Variants in UBXN2A observed in about 807,000 individuals in gnomAD.
The protein encoded by UBXN2A is UBX domain-containing protein 2A.
Under a neutral mutation model 28.4 loss-of-function variants are expected in UBXN2A, and 28 were observed. The observed-to-expected ratio is 0.99, with a 90% CI of 0.73 to 1.35. UBXN2A has a LOEUF of 1.35. Ranked by LOEUF, UBXN2A falls within the 40% of genes most tolerant of loss-of-function variation. The pLI is 0.00. For synonymous variants in UBXN2A, 97 were observed against 103.6 expected, an observed-to-expected ratio of 0.94 and a Z score of 0.39; for missense variants, 253 against 297.9, an observed-to-expected ratio of 0.85 and a Z score of 1.11.
chr2:23,943,257 C>G (rs1317884836), intron 1 of UBXN2A, among the ~76,000 whole-genome samples: 1 of 151,750 alleles, frequency 6.6e-6, no homozygotes. Context: ...GCCTGGCCAA[C>G]TTTTTATTTC....
chr2:23,931,635 G>A (rs184506009), intron 1 of UBXN2A, among the ~76,000 whole-genome samples: 1 of 152,254 alleles, frequency 6.6e-6, no homozygotes, highest in Non-Finnish European at 1.5e-5. Flanking sequence ...CAGGAACCCA[G>A]AACAAGTAAG....
At chr2:23,975,789 G>C (rs935547749) in intron 3 of UBXN2A, among the ~76,000 whole-genome samples, 1 of 152,072 alleles carries the variant, frequency 6.6e-6, no homozygotes, top group Non-Finnish European at 1.5e-5. Context: ...CACCATGCCT[G>C]GCTAATTTGT....
intron 4 of UBXN2A, among the ~76,000 whole-genome samples, chr2:23,980,687 G>C (rs1192698854): frequency 6.6e-6 from 1 of 152,134 alleles, no homozygotes; most frequent in Non-Finnish European, 1.5e-5. Context: ...GAGTGCAGTG[G>C]CATGATCTCG....
rs566354002 is a variant in UBXN2A, at chr2:23,977,576, G to A, written c.287+501G>A. On this transcript the variant is annotated intron_variant, in intron 4 of 6. Transcript: ENST00000309033. The stretch of plus-strand genomic sequence containing the variant: ...AATTCACTTGAACCCGAGAGGCGGA[G>A]GTTGCAGTGGGCCAAGATTGCACCA... Among the ~76,000 whole-genome samples the A allele has an allele frequency of 4.6e-5, 7 of 152,178 alleles. No homozygotes were observed. The South Asian group carries it at 1.2e-3, about 27-fold the overall frequency.
In UBXN2A at chr2:24,001,665, A is replaced by G. The variant is rs1284134404; in HGVS notation, c.*1798A>G. 4 of 151,710 alleles carry G rather than the reference A, an allele frequency of 2.6e-5. No homozygotes were observed. Among genetic ancestry groups the G allele is most frequent in the Non-Finnish European group, 4.4e-5 (3 of 67,942 alleles). The allele number at this position is 151,710 out of a possible 1,614,324, so 9.4% of individuals were successfully genotyped here. A position where few individuals can be genotyped will look rare whatever the true frequency, so the allele number is the denominator to read the frequency against. On this transcript the variant is annotated 3_prime_UTR_variant, in exon 7 of 7. Coordinates refer to ENST00000309033, the MANE Select transcript of UBXN2A (RefSeq NM_181713.4). ...TTATATTAAATATTAAATTTTTAAA[A>G]TATTTATTTATGGGCCAGGCACGGT...
intron 6 of UBXN2A, among the ~76,000 whole-genome samples, chr2:23,998,807 G>GCAACCTTCGTCTCCCGCGAT (rs1365266139): frequency 6.6e-6 from 1 of 151,994 alleles, no homozygotes; most frequent in African/African-American, 2.4e-5. Context: ...TCAGCTCACT[G>GCAACCTTCGTCTCCCGCGAT]CAACCTTCGT....
At chr2:23,964,702 C>T (rs983478551) in intron 2 of UBXN2A, among the ~76,000 whole-genome samples, 1 of 152,116 alleles carries the variant, frequency 6.6e-6, no homozygotes, top group African/African-American at 2.4e-5. Flanking sequence ...TATAGTTAAC[C>T]ACACTTTATT....
chr2:24,002,888 A>G lies in UBXN2A; in HGVS notation c.*3021A>G, dbSNP rs1708747807. The G allele has an allele frequency of 6.6e-6, 1 of 152,220 alleles. No individual in the cohort carries two copies. Among genetic ancestry groups the G allele is most frequent in the African/African-American group, 2.4e-5 (1 of 41,444 alleles). The allele number at this position is 152,220 out of a possible 1,614,324, so 9.4% of individuals were successfully genotyped here. On this transcript the variant is annotated 3_prime_UTR_variant, in exon 7 of 7. Coordinates refer to ENST00000309033, the MANE Select transcript of UBXN2A (RefSeq NM_181713.4). ...ACCTCTGTATACTGGTGAAAGAATG[A>G]AAAGAAGCAAATAATGCCTTAGTAT...
intron 4 of UBXN2A, among the ~76,000 whole-genome samples, chr2:23,979,644 T>C (rs1234315062): frequency 1.3e-5 from 2 of 152,046 alleles, no homozygotes; most frequent in Non-Finnish European, 2.9e-5. Context: ...TCATAGTTCA[T>C]TGCAGCTTCA....
At position 23,956,501 on chromosome 2, in the gene UBXN2A, G is replaced by A. The variant is rs187206336; in HGVS notation, c.-14-1800G>A. Among the ~76,000 whole-genome samples the A allele has an allele frequency of 6.2e-3, 936 of 151,812 alleles. 6 individuals carry two copies. Among genetic ancestry groups the A allele is most frequent in the African/African-American group, 0.022 (900 of 41,384 alleles). Reference sequence around the variant, plus strand: ...CCTAGTAGCTGGGATTACTTGCGCCGACCACCATGCCTGGCTAATTTTTGT... The same window carrying A: ...CCTAGTAGCTGGGATTACTTGCGCCAACCACCATGCCTGGCTAATTTTTGT... On this transcript the variant is annotated intron_variant, in intron 1 of 6. Transcript: ENST00000309033.
intron 1 of UBXN2A, among the ~76,000 whole-genome samples, chr2:23,933,770 A>G (rs1282568388): frequency 6.6e-6 from 1 of 151,998 alleles, no homozygotes; most frequent in East Asian, 1.9e-4. Context: ...TGTACCTCCA[A>G]TGGAGCTAAA....
rs148253350 is a variant in UBXN2A, at chr2:23,959,979, G to T, written c.41+1624G>T. On this transcript the variant is annotated intron_variant, in intron 2 of 6. Transcript: ENST00000309033. ...TCCAAGTTTGCAGGTGCGGCCGGGC[G>T]CAGTGCCTCATGCCTGTAATCCCAG... Among the ~76,000 whole-genome samples the T allele has an allele frequency of 2.0e-5, 3 of 152,078 alleles. No individual in the cohort carries two copies. In the South Asian group the frequency reaches 6.2e-4, roughly 32 times the overall value.
intron 1 of UBXN2A, 28 bp downstream of exon 1, chr2:23,940,676 C>T (rs1705706722): frequency 6.6e-6 from 1 of 151,658 alleles, no homozygotes; most frequent in Non-Finnish European, 1.5e-5. Flanking sequence ...GCGCCGCGTC[C>T]GGCGGGGTGA....
At position 24,001,255 on chromosome 2, in the gene UBXN2A, G is replaced by T. The variant is rs554288909; in HGVS notation, c.*1388G>T. ...TCTGCCTGCCTAGGCCTCCTGAAGT[G>T]CTGGGATTACAAGTGTGAACCACCG... On this transcript the variant is annotated 3_prime_UTR_variant, in exon 7 of 7. Coordinates refer to ENST00000309033, the MANE Select transcript of UBXN2A (RefSeq NM_181713.4). 1 of 152,324 alleles carries T rather than the reference G, an allele frequency of 6.6e-6. No individual in the cohort carries two copies. The highest frequency in any genetic ancestry group is 2.4e-5 in the African/African-American group (1 of 41,570). The allele number at this position is 152,324 out of a possible 1,614,324, so 9.4% of individuals were successfully genotyped here.
At chr2:23,985,369 G>A (rs917844230) in intron 6 of UBXN2A, among the ~76,000 whole-genome samples, 6 of 152,088 alleles carry the variant, frequency 3.9e-5, no homozygotes, top group South Asian at 2.1e-4. Context: ...CTGCCTCAGC[G>A]TCCAATGTAG....
chr2:23,995,705 G>GA (rs1708503636), intron 6 of UBXN2A, among the ~76,000 whole-genome samples: 7 of 140,422 alleles, frequency 5.0e-5, no homozygotes, highest in Non-Finnish European at 7.8e-5. Context: ...AAAAAAAAAA[G>GA]AAAAGAAAAA....
intron 2 of UBXN2A, among the ~76,000 whole-genome samples, chr2:23,966,415 G>A (rs931093656): frequency 3.3e-4 from 50 of 150,716 alleles, no homozygotes; most frequent in African/African-American, 9.8e-4. Context: ...GATTACAGGC[G>A]TGAGCCACCG....
intron 6 of UBXN2A, among the ~76,000 whole-genome samples, chr2:23,996,128 A>G (rs1387122526): frequency 2.0e-5 from 3 of 147,678 alleles, no homozygotes; most frequent in Admixed American, 1.4e-4. Context: ...GTGCAGTGGC[A>G]TGATCTCGGC....
intron 2 of UBXN2A, among the ~76,000 whole-genome samples, chr2:23,960,318 G>A (rs548340804): frequency 4.6e-5 from 7 of 152,164 alleles, no homozygotes; most frequent in South Asian, 2.1e-4. Flanking sequence ...AGCCTTGTAA[G>A]CAAGTCTTTC....
Sources: gnomAD v4.1 joint callset for allele counts (sites outside exome capture counted in the v4.1 genomes callset) on GRCh38, gnomAD v4.1.1 for gene constraint, MANE v1.5 for transcripts, NCBI Gene and HGNC (gene_info 2026-07-23, HGNC 2026-07-21) for gene names.